CYTH3: variants seen among roughly 807,000 people sequenced by gnomAD.
CYTH3 encodes the protein cytohesin-3.
Under a neutral mutation model 55.1 loss-of-function variants are expected in CYTH3, and 23 were observed. The observed-to-expected ratio is 0.42, with a 90% CI of 0.30 to 0.59. The LOEUF (loss-of-function observed/expected upper bound fraction) is 0.59, where lower values mean the gene tolerates loss of function less well. Ranked by LOEUF, CYTH3 falls within the 20% of genes least tolerant of loss-of-function variation. The probability of loss-of-function intolerance (pLI) is 0.20; values close to 1 mark genes in which losing one functional copy is unlikely to be tolerated. For missense variants in CYTH3, 413 were observed against 524.8 expected, an observed-to-expected ratio of 0.79 and a Z score of 2.08; for synonymous variants, 249 against 194.9, an observed-to-expected ratio of 1.28 and a Z score of -2.31.
intron 4 of CYTH3, among the ~76,000 whole-genome samples, chr7:6,182,680 T>TA (rs1014370799): frequency 3.3e-5 from 5 of 152,118 alleles, no homozygotes; most frequent in African/African-American, 1.2e-4. Context: ...CTTATTTTTT[T>TA]AAAAAAACTG....
At chr7:6,184,049 CTTTTTTTTTTTTTTTTT>C (rs60634853) in intron 4 of CYTH3, among the ~76,000 whole-genome samples, 1 of 46,376 alleles carries the variant, frequency 2.2e-5, no homozygotes, top group Non-Finnish European at 3.9e-5. Context: ...CCCTCTGTGG[CTTTTTTTTTTTTTTTTT>C]TTTTTTTTTT....
At chr7:6,229,941 CCTAGCCAA>C (rs1779348163) in intron 1 of CYTH3, among the ~76,000 whole-genome samples, 1 of 152,076 alleles carries the variant, frequency 6.6e-6, no homozygotes, top group Non-Finnish European at 1.5e-5. Flanking sequence ...TCGAGACCAG[CCTAGCCAA>C]CATGGTGAAA....
intron 1 of CYTH3, among the ~76,000 whole-genome samples, chr7:6,234,849 C>A (rs1488846462): frequency 6.6e-6 from 1 of 152,164 alleles, no homozygotes; most frequent in Non-Finnish European, 1.5e-5. Flanking sequence ...AATAAGAGAG[C>A]TTGAGTAATT....
chr7:6,206,848 A>C (rs1784199369), intron 1 of CYTH3, among the ~76,000 whole-genome samples: 1 of 152,154 alleles, frequency 6.6e-6, no homozygotes, highest in South Asian at 2.1e-4. Flanking sequence ...TAAGATACAA[A>C]GCATCAAGTA....
At chr7:6,193,455 C>G (rs1472122393) in intron 1 of CYTH3, among the ~76,000 whole-genome samples, 3 of 151,808 alleles carry the variant, frequency 2.0e-5, no homozygotes, top group Non-Finnish European at 2.9e-5. Context: ...CAAAACCTGT[C>G]ACAACAAAGA....
intron 1 of CYTH3, among the ~76,000 whole-genome samples, chr7:6,254,604 A>C (rs1483499430): frequency 6.6e-6 from 1 of 152,124 alleles, no homozygotes; most frequent in Non-Finnish European, 1.5e-5. Flanking sequence ...GCATACCACA[A>C]TGCTCGGCTA....
At chr7:6,216,759 G>A (rs77888826) in intron 1 of CYTH3, among the ~76,000 whole-genome samples, 6,173 of 149,332 alleles carry the variant, frequency 0.041, 235 homozygotes, top group African/African-American at 0.1. Flanking sequence ...GTGTGTATGT[G>A]TATATACACA....
intron 1 of CYTH3, among the ~76,000 whole-genome samples, chr7:6,251,283 A>T (rs561816587): frequency 2.6e-4 from 40 of 152,274 alleles, no homozygotes; most frequent in Non-Finnish European, 4.6e-4. Context: ...CTCAAAAAAA[A>T]TAAATAAAAT....
At chr7:6,165,102 C>T in intron 12 of CYTH3, 86 bp from the exon 13 acceptor site, 9 of 1,585,662 alleles carry the variant, frequency 5.7e-6, no homozygotes, top group Non-Finnish European at 6.9e-6. Flanking sequence ...GCCCCTCAGA[C>T]AGGACCGCAG....
At chr7:6,172,970 T>C (rs780801218) in intron 6 of CYTH3, 16 of 1,124,442 alleles carry the variant, frequency 1.4e-5, no homozygotes, top group Non-Finnish European at 1.8e-5. Context: ...AAGCCGAAGA[T>C]TTGAGAAGAT....
intron 1 of CYTH3, among the ~76,000 whole-genome samples, chr7:6,221,758 G>A (rs1258322523): frequency 6.6e-6 from 1 of 152,090 alleles, no homozygotes; most frequent in East Asian, 1.9e-4. Flanking sequence ...CAATACTCAG[G>A]GAGAGTGAGG....
Position 6,185,384 on chromosome 7 carries a change from G to A in CYTH3, c.249+1666C>T, listed in dbSNP as rs12667859. 0.028 allele frequency among the ~76,000 whole-genome samples: 4,170 copies of A among 151,312 alleles called. 376 individuals are homozygous for A. The East Asian group carries it at 0.37, about 13-fold the overall frequency. ...GCAGATCACCTGAGGTCAGGAGTTCGAGACCAGCCTGGCCAACGTGGTGAA... is the reference window on the plus strand; with the variant it reads ...GCAGATCACCTGAGGTCAGGAGTTCAAGACCAGCCTGGCCAACGTGGTGAA... On this transcript the variant is annotated intron_variant, in intron 4 of 12. Transcript: ENST00000350796.
intron 1 of CYTH3, among the ~76,000 whole-genome samples, chr7:6,227,446 C>G (rs534231524): frequency 1.3e-4 from 20 of 152,212 alleles, no homozygotes; most frequent in Middle Eastern, 3.4e-3. Flanking sequence ...ATTCAACAGC[C>G]CTTCCTGATT....
intron 1 of CYTH3, among the ~76,000 whole-genome samples, chr7:6,242,375 A>ATTTT (rs10525625): frequency 9.5e-6 from 1 of 105,812 alleles, no homozygotes; most frequent in Non-Finnish European, 2.0e-5. Context: ...CGCGCCTGGC[A>ATTTT]TTTTTTTTTT....
chr7:6,194,708 G>T (rs1374288336), intron 1 of CYTH3, among the ~76,000 whole-genome samples: 2 of 151,604 alleles, frequency 1.3e-5, no homozygotes, highest in Non-Finnish European at 2.9e-5. Context: ...CCGGGCACGT[G>T]GCTCACGCCT....
At chr7:6,204,917 A>G (rs986259222) in intron 1 of CYTH3, among the ~76,000 whole-genome samples, 1 of 152,148 alleles carries the variant, frequency 6.6e-6, no homozygotes, top group Non-Finnish European at 1.5e-5. Context: ...GTAATTCCAG[A>G]GCTTTGGGAG....
At chr7:6,231,614 A>G (rs1480672199) in intron 1 of CYTH3, among the ~76,000 whole-genome samples, 2 of 152,240 alleles carry the variant, frequency 1.3e-5, no homozygotes, top group East Asian at 3.8e-4. Context: ...TAAATTAACA[A>G]TAAGAAATAA....
intron 1 of CYTH3, among the ~76,000 whole-genome samples, chr7:6,253,116 C>G (rs2115049968): frequency 6.6e-6 from 1 of 152,132 alleles, no homozygotes; most frequent in East Asian, 1.9e-4. Context: ...GAAACTGAAG[C>G]ACTTATCAAT....
chr7:6,186,952 A>G (rs1783670173), intron 4 of CYTH3, 98 bp downstream of exon 4: 1 of 1,218,460 alleles, frequency 8.2e-7, no homozygotes, highest in Non-Finnish European at 1.2e-6. Flanking sequence ...ATGAGGTGAC[A>G]GGGCGGACCA....
Sources: gnomAD v4.1 joint callset for allele counts (sites outside exome capture counted in the v4.1 genomes callset) on GRCh38, gnomAD v4.1.1 for gene constraint, MANE v1.5 for transcripts, NCBI Gene and HGNC (gene_info 2026-07-23, HGNC 2026-07-21) for gene names.